TBC1D30: variants seen among roughly 807,000 people sequenced by gnomAD.
The protein encoded by TBC1D30 is TBC1 domain family, member 30.
TBC1D30 carries 31 observed loss-of-function variants against 63.2 expected under a neutral mutation model. The observed-to-expected ratio is 0.49, with a 90% CI of 0.37 to 0.66. The LOEUF (loss-of-function observed/expected upper bound fraction) is 0.66, where lower values mean the gene tolerates loss of function less well. TBC1D30 is among the 30% of genes least tolerant of loss of function. TBC1D30 has a pLI of 0.00. For missense variants in TBC1D30, 810 were observed against 953.6 expected (o/e 0.85, Z 1.98); for synonymous variants, 307 against 361.5 (o/e 0.85, Z 1.71).
chr12:64,853,532 G>A (rs1347437882), intron 8 of TBC1D30, among the ~76,000 whole-genome samples: 1 of 152,080 alleles, frequency 6.6e-6, no homozygotes, highest in Non-Finnish European at 1.5e-5. Context: ...GGCACCACTG[G>A]GGTATGAAAA....
At position 64,769,051 on chromosome 12, in the gene TBC1D30, A is replaced by AG. The variant is rs200553057; in HGVS notation, c.-376+9404dup. On this transcript the variant is annotated intron_variant, in intron 1 of 13. Transcript: ENST00000674237. ...TGTGCACCTGTAGTTCCAGCTACTT[A>AG]GGAGGCTGAGATGAGAGGATCGCTT... Among the ~76,000 whole-genome samples, 1,155 of 152,208 alleles carry AG rather than the reference A, an allele frequency of 7.6e-3. 15 individuals carry two copies. Among genetic ancestry groups the AG allele is most frequent in the African/African-American group, 0.026 (1,075 of 41,520 alleles).
intron 2 of TBC1D30, among the ~76,000 whole-genome samples, chr12:64,787,920 G>A (rs1871690058): frequency 6.6e-6 from 1 of 152,086 alleles, no homozygotes; most frequent in Non-Finnish European, 1.5e-5. Flanking sequence ...TGTAATCCCA[G>A]CTACTCAGGA....
At chr12:64,829,039 A>G (rs1463934114) in intron 3 of TBC1D30, among the ~76,000 whole-genome samples, 1 of 151,978 alleles carries the variant, frequency 6.6e-6, no homozygotes, top group African/African-American at 2.4e-5. Context: ...GCTGGGGCAC[A>G]GTGAACAAAG....
chr12:64,790,848 C>G (rs1440637477), intron 2 of TBC1D30, among the ~76,000 whole-genome samples: 1 of 152,044 alleles, frequency 6.6e-6, no homozygotes, highest in Non-Finnish European at 1.5e-5. Context: ...TTTGGTGGCA[C>G]TAAAACTCAA....
chr12:64,785,147 CTTTTTTTTT>C (rs3033154), intron 1 of TBC1D30, among the ~76,000 whole-genome samples: 1 of 134,844 alleles, frequency 7.4e-6, no homozygotes, highest in Non-Finnish European at 1.6e-5. Context: ...ACTTTAAAGA[CTTTTTTTTT>C]TTTTTTTTCT....
At chr12:64,831,150 A>G (rs879821559) in intron 4 of TBC1D30, among the ~76,000 whole-genome samples, 1 of 152,162 alleles carries the variant, frequency 6.6e-6, no homozygotes, top group Admixed American at 6.5e-5. Context: ...TTTTAAAAGG[A>G]AAGTTGTTTC....
Position 64,875,447 on chromosome 12 carries a change from G to T in TBC1D30, c.1945G>T (p.Val649Leu). ...GGTGTTCGGAGATGCTGATGTGGAT[G>T]TGTCTGCAGTTCAGGCGAAGTTGGG... ...EPVFGDADVD[V>L]SAVQAKLGAL... Residue 649 changes from valine (V) to leucine (L), a missense_variant, in exon 12 of 12, where the codon GTG becomes TTG. Around this residue, in one of 4 missense-constraint regions of TBC1D30, gnomAD observed 450 missense variants for 473.0 expected, o/e 0.95. Transcript: ENST00000539867. 1 of 1,536,228 alleles carries T rather than the reference G, an allele frequency of 6.5e-7. No homozygotes were observed. The highest frequency in any genetic ancestry group is 8.7e-7 in the Non-Finnish European group (1 of 1,146,930).
chr12:64,823,966 T>C (rs1874055501), upstream of TBC1D30, among the ~76,000 whole-genome samples: 1 of 152,106 alleles, frequency 6.6e-6, no homozygotes, highest in African/African-American at 2.4e-5. Flanking sequence ...TTTCTTTTTA[T>C]AAATATTAGC....
At chr12:64,868,226 A>G (rs181632707) in intron 10 of TBC1D30, 16 of 155,692 alleles carry the variant, frequency 1.0e-4, no homozygotes, top group South Asian at 2.0e-4. Context: ...TTTTGCTATA[A>G]TGACACTTGT....
chr12:64,804,141 A>T (rs921798330), intron 2 of TBC1D30, among the ~76,000 whole-genome samples: 5 of 152,180 alleles, frequency 3.3e-5, no homozygotes, highest in African/African-American at 1.2e-4. Flanking sequence ...ATGTTCTTCC[A>T]TTTGTTTGTG....
At chr12:64,824,211 C>T (rs1592593844), upstream of TBC1D30, among the ~76,000 whole-genome samples, 1 of 149,324 alleles carries the variant, frequency 6.7e-6, no homozygotes, top group Non-Finnish European at 1.5e-5. Flanking sequence ...CTAAAAGAAA[C>T]AATAATTTTT....
At chr12:64,852,563 G>T (rs115265969) in intron 8 of TBC1D30, among the ~76,000 whole-genome samples, 2 of 152,100 alleles carry the variant, frequency 1.3e-5, no homozygotes, top group Admixed American at 1.3e-4. Flanking sequence ...AGAAAAAGAG[G>T]CGTTCTGGTT....
chr12:64,773,230 T>G (rs540258401), intron 1 of TBC1D30, among the ~76,000 whole-genome samples: 1 of 152,330 alleles, frequency 6.6e-6, no homozygotes, highest in Admixed American at 6.5e-5. Flanking sequence ...CCAGACTGCT[T>G]CTTTAAGTGA....
intron 2 of TBC1D30, among the ~76,000 whole-genome samples, chr12:64,816,739 T>C (rs900762688): frequency 1.3e-5 from 2 of 152,114 alleles, no homozygotes; most frequent in Non-Finnish European, 2.9e-5. Context: ...CATTCTTTTG[T>C]TCCTTTCTTT....
intron 8 of TBC1D30, among the ~76,000 whole-genome samples, chr12:64,863,870 A>G (rs1275000511): frequency 6.6e-6 from 1 of 152,240 alleles, no homozygotes; most frequent in African/African-American, 2.4e-5. Flanking sequence ...TTGGCTTCCC[A>G]GGAGAAATGA....
intron 2 of TBC1D30, among the ~76,000 whole-genome samples, chr12:64,799,176 G>C (rs144912610): frequency 6.6e-6 from 1 of 151,952 alleles, no homozygotes; most frequent in African/African-American, 2.4e-5. Context: ...GGGATGGGAG[G>C]GGGGCACATT....
chr12:64,874,461 T>TC (rs1878888637), intron 11 of TBC1D30, among the ~76,000 whole-genome samples: 1 of 152,228 alleles, frequency 6.6e-6, no homozygotes, highest in Non-Finnish European at 1.5e-5. Context: ...GAGTGGTTTT[T>TC]CACCTGTAGG....
At chr12:64,863,271 G>A (rs1877946077) in intron 8 of TBC1D30, among the ~76,000 whole-genome samples, 1 of 152,068 alleles carries the variant, frequency 6.6e-6, no homozygotes, top group Admixed American at 6.6e-5. Context: ...CCTCTCAGAG[G>A]TAACCACGAT....
At chr12:64,801,407 GAAC>G (rs1178342317) in intron 2 of TBC1D30, among the ~76,000 whole-genome samples, 1 of 152,194 alleles carries the variant, frequency 6.6e-6, no homozygotes, top group Non-Finnish European at 1.5e-5. Context: ...TAGCGCTTAT[GAAC>G]AACAGTACAT....
Sources: gnomAD v4.1 joint callset for allele counts (sites outside exome capture counted in the v4.1 genomes callset) on GRCh38, gnomAD v4.1.1 for gene constraint, gnomAD v4.1.1 regional missense constraint, MANE v1.5 for transcripts, NCBI Gene and HGNC (gene_info 2026-07-23, HGNC 2026-07-21) for gene names.